TRAK2: variants seen among roughly 807,000 people sequenced by gnomAD.
TRAK2 encodes trafficking kinesin protein 2, also known as trafficking kinesin-binding protein 2.
TRAK2 carries 81 observed loss-of-function variants against 104.6 expected under a neutral mutation model. The ratio of observed to expected loss-of-function variants is 0.77; its 90% CI spans 0.65 to 0.93. TRAK2 has a LOEUF of 0.93. Ranked by LOEUF, TRAK2 falls within the 40% of genes least tolerant of loss-of-function variation. The probability of loss-of-function intolerance (pLI) is 0.00; values close to 1 mark genes in which losing one functional copy is unlikely to be tolerated. For missense variants in TRAK2, 1,002 were observed against 1,089.0 expected (o/e 0.92, Z 1.12); for synonymous variants, 406 against 394.4 (o/e 1.03, Z -0.35).
intron 15 of TRAK2, among the ~76,000 whole-genome samples, chr2:201,382,839 A>G (rs911176765): frequency 6.6e-6 from 1 of 152,204 alleles, no homozygotes; most frequent in African/African-American, 2.4e-5. Flanking sequence ...GGCTAACCTT[A>G]GCAAGCTAAC....
At chr2:201,424,797 C>T (rs1243647701) in intron 1 of TRAK2, among the ~76,000 whole-genome samples, 4 of 151,642 alleles carry the variant, frequency 2.6e-5, no homozygotes, top group Admixed American at 1.3e-4. Context: ...TTAGTAGAGA[C>T]GGGGTTTCAC....
intron 2 of TRAK2, among the ~76,000 whole-genome samples, chr2:201,415,782 A>AGAAAAAATATTT (rs1951686890): frequency 6.6e-6 from 1 of 152,158 alleles, no homozygotes; most frequent in Non-Finnish European, 1.5e-5. Flanking sequence ...AGGCAGAAAC[A>AGAAAAAATATTT]GAAAAAATAT....
intron 2 of TRAK2, chr2:201,419,575 T>C (rs556309379): frequency 1.9e-5 from 3 of 154,408 alleles, no homozygotes; most frequent in African/African-American, 4.8e-5. Flanking sequence ...TGGGGAGATC[T>C]CTGTACAAGG....
chr2:201,412,218 G>T, intron 2 of TRAK2: 2 of 948,972 alleles, frequency 2.1e-6, no homozygotes, highest in Non-Finnish European at 3.5e-6. Flanking sequence ...TCTGTACAAT[G>T]ACATGCTTGG....
intron 1 of TRAK2, among the ~76,000 whole-genome samples, chr2:201,448,903 G>A (rs1951986957): frequency 6.6e-6 from 1 of 152,120 alleles, no homozygotes; most frequent in Admixed American, 6.6e-5. Context: ...GTTTTGCTAT[G>A]TTGAACAGGC....
intron 14 of TRAK2, among the ~76,000 whole-genome samples, 192 bp downstream of exon 14, chr2:201,386,026 A>G (rs1951386393): frequency 6.6e-6 from 1 of 152,154 alleles, no homozygotes; most frequent in Admixed American, 6.5e-5. Flanking sequence ...TCTCTACCCA[A>G]TCTACTAACG....
chr2:201,415,449 G>GATAAA, intron 2 of TRAK2, among the ~76,000 whole-genome samples: 1 of 152,026 alleles, frequency 6.6e-6, no homozygotes, highest in African/African-American at 2.4e-5. Context: ...GAATTAATAA[G>GATAAA]CAGCAATTTT....
Position 201,412,215 on chromosome 2 carries a change from A to G in TRAK2, c.92-4618T>C, listed in dbSNP as rs906607912. ...GAAGTCAAATCAAAATTCTCTGTAC[A>G]ATGACATGCTTGGGCAGTAGAACCT... On this transcript the variant is annotated intron_variant, in intron 2 of 15. Transcript: ENST00000332624. 3 of 956,328 alleles carry G rather than the reference A, an allele frequency of 3.1e-6. No individual in the cohort carries two copies. In the East Asian group the frequency reaches 7.1e-5, roughly 23 times the overall value. 59.2% of individuals were successfully genotyped at this position (956,328 alleles called of 1,614,324 possible). A position where few individuals can be genotyped will look rare whatever the true frequency, so the allele number is the denominator to read the frequency against.
rs1416951982 is a variant in TRAK2, at chr2:201,379,790, A to G, written c.*753T>C. Reference sequence around the variant, plus strand: ...CTCACATTTTGCCTCTTAAAAGTAAATCCCTCCCACCCTCTACCCAGTTGT... The same window carrying G: ...CTCACATTTTGCCTCTTAAAAGTAAGTCCCTCCCACCCTCTACCCAGTTGT... On this transcript the variant is annotated 3_prime_UTR_variant, in exon 16 of 16. Coordinates refer to ENST00000332624, the MANE Select transcript of TRAK2 (RefSeq NM_015049.3). 1 of 151,944 alleles carries G rather than the reference A, an allele frequency of 6.6e-6. No homozygotes were observed. Among genetic ancestry groups the G allele is most frequent in the East Asian group, 1.9e-4 (1 of 5,194 alleles). 9.4% of individuals were successfully genotyped at this position (151,944 alleles called of 1,614,324 possible).
At position 201,379,420 on chromosome 2, in the gene TRAK2, A is replaced by T. The variant is rs1020932003; in HGVS notation, c.*1123T>A. On this transcript the variant is annotated 3_prime_UTR_variant, in exon 16 of 16. Transcript: ENST00000332624. Reference sequence around the variant, plus strand: ...GATGTGTTTTATTTTATTTTACATTAGGAAGAAAAAACCACAATCTCAAAG... The same window carrying T: ...GATGTGTTTTATTTTATTTTACATTTGGAAGAAAAAACCACAATCTCAAAG... 1 of 152,654 alleles carries T rather than the reference A, an allele frequency of 6.6e-6. No homozygotes were observed. Among genetic ancestry groups the T allele is most frequent in the African/African-American group, 2.4e-5 (1 of 41,470 alleles). 9.5% of individuals were successfully genotyped at this position (152,654 alleles called of 1,614,324 possible).
intron 2 of TRAK2, chr2:201,410,542 C>A (rs1355630462): frequency 3.5e-6 from 4 of 1,129,826 alleles, no homozygotes; most frequent in Non-Finnish European, 3.9e-6. Flanking sequence ...AAAATAGACA[C>A]CTCACCCAAA....
Position 201,398,214 on chromosome 2 carries a change from C to T in TRAK2, c.621G>A (p.Leu207=), listed in dbSNP as rs370542747. The T allele has an allele frequency of 5.6e-6, 9 of 1,613,626 alleles. No homozygotes were observed. In the African/African-American group the frequency reaches 1.2e-4, roughly 22 times the overall value. The part of the protein sequence containing the change: ...FNESFSLSQG[L]LQLEMLQEKL... ...TTTCTTGCAGCATTTCCAACTGCAG[C>T]AACCCTTGAGATAAGCTAAAGGACT... Residue 207 remains leucine, a synonymous_variant, in exon 6 of 16, where the codon TTG becomes TTA. Coordinates refer to ENST00000332624, the MANE Select transcript of TRAK2 (RefSeq NM_015049.3).
At position 201,389,313 on chromosome 2, in the gene TRAK2, C is replaced by T; in HGVS notation, c.1384G>A (p.Glu462Lys). 1 of 1,614,162 alleles carries T rather than the reference C, an allele frequency of 6.2e-7. No homozygotes were observed. Among genetic ancestry groups the T allele is most frequent in the Non-Finnish European group, 8.5e-7 (1 of 1,180,016 alleles). The change falls in exon 12 of 16, where the codon GAG becomes AAG. Residue 462 changes from glutamate to lysine, a missense_variant. Physicochemically the swap from Glu to Lys is moderately conservative, Grantham distance 56 (BLOSUM62 1). Coordinates refer to ENST00000332624, the MANE Select transcript of TRAK2 (RefSeq NM_015049.3). Reference sequence around the variant, plus strand: ...TCGGATTCCTACCCTGCAACCTCCTCTGAGCTGCTCCCCTGGTTCAGGAGT... The same window carrying T: ...TCGGATTCCTACCCTGCAACCTCCTTTGAGCTGCTCCCCTGGTTCAGGAGT... ...KSLLNQGSSS[E>K]EVAGSSQKMG...
At chr2:201,399,297 C>A in intron 5 of TRAK2, 80 bp downstream of exon 5, 2 of 917,174 alleles carry the variant, frequency 2.2e-6, no homozygotes, top group Non-Finnish European at 3.5e-6. Flanking sequence ...GCCATCATTT[C>A]AGGGACACCT....
rs529666817 is a variant in TRAK2 at position 201,420,806 on chromosome 2, T to C, written c.-199-100A>G. ...ATCATGAAAAATGTTTTTCTAATGA[T>C]TCATACAACATGGATAAATCTCATA... On this transcript the variant is annotated intron_variant, in intron 1 of 15. Transcript: ENST00000332624. 3 of 265,454 alleles carry C rather than the reference T, an allele frequency of 1.1e-5. No homozygotes were observed. The East Asian group carries it at 2.6e-4, about 23-fold the overall frequency. The allele number at this position is 265,454 out of a possible 1,614,324, so 16.4% of individuals were successfully genotyped here.
At chr2:201,396,128 G>GAA (rs1473899233) in intron 7 of TRAK2, among the ~76,000 whole-genome samples, 1 of 152,084 alleles carries the variant, frequency 6.6e-6, no homozygotes, top group Non-Finnish European at 1.5e-5. Context: ...AATACAAGCA[G>GAA]AAAAGCTACT....
chr2:201,410,680 T>A, intron 2 of TRAK2: 1 of 1,310,786 alleles, frequency 7.6e-7, no homozygotes, highest in Non-Finnish European at 1.1e-6. Flanking sequence ...CATGTTCATC[T>A]GTGTTCCCAT....
At chr2:201,425,084 C>G (rs894701450) in intron 1 of TRAK2, among the ~76,000 whole-genome samples, 1 of 152,196 alleles carries the variant, frequency 6.6e-6, no homozygotes, top group African/African-American at 2.4e-5. Flanking sequence ...CAATTGGTTG[C>G]TTTCATGCTA....
At chr2:201,396,956 A>C (rs1951508377) in intron 7 of TRAK2, among the ~76,000 whole-genome samples, 2 of 152,340 alleles carry the variant, frequency 1.3e-5, no homozygotes, top group South Asian at 4.1e-4. Context: ...GTGAAACTGC[A>C]GGTAAGGGAC....
Sources: allele counts gnomAD v4.1 joint callset (sites outside exome capture counted in the v4.1 genomes callset), GRCh38; gene constraint gnomAD v4.1.1; transcripts MANE v1.5; gene names NCBI Gene and HGNC (gene_info 2026-07-23, HGNC 2026-07-21).